C13orf46: variants seen among roughly 807,000 people sequenced by gnomAD.
C13orf46 encodes chromosome 13 open reading frame 46, also known as uncharacterized protein C13orf46.
chr13:113,971,138 G>A (rs982178241), intron 1 of C13orf46, among the ~76,000 whole-genome samples: 2 of 152,222 alleles, frequency 1.3e-5, no homozygotes, highest in African/African-American at 4.8e-5. Flanking sequence ...CCGCATCGGA[G>A]CCGGGAATGT....
the C13orf46 span, among the ~76,000 whole-genome samples, chr13:113,936,122 G>A: frequency 1.3e-5 from 2 of 152,202 alleles, no homozygotes; most frequent in Admixed American, 6.5e-5. Context: ...ATGAAGAGCC[G>A]GAGAAACTCA....
At chr13:113,962,822 T>C (rs1370961818) in intron 6 of C13orf46, among the ~76,000 whole-genome samples, 1 of 152,070 alleles carries the variant, frequency 6.6e-6, no homozygotes, top group Admixed American at 6.5e-5. Context: ...CAGGAAACGA[T>C]GAGAAAAATA....
In C13orf46 at chr13:113,955,369, C is replaced by T. The variant is rs1434192791; in HGVS notation, c.*1404G>A. 943 of 125,642 alleles carry T rather than the reference C, an allele frequency of 7.5e-3. 31 individuals carry two copies. The highest frequency in any genetic ancestry group is 0.031 in the African/African-American group (872 of 28,358). The allele number at this position is 125,642 out of a possible 1,614,324, so 7.8% of individuals were successfully genotyped here. A position where few individuals can be genotyped will look rare whatever the true frequency, so the allele number is the denominator to read the frequency against. On this transcript the variant is annotated 3_prime_UTR_variant, in exon 7 of 7. Transcript: ENST00000636427. Reference sequence around the variant, plus strand: ...TCTGGTGGAGAGGAGGAGCATCCGGCGGAGAGGAGGAGCATCCGGCGGAGA... The same window carrying T: ...TCTGGTGGAGAGGAGGAGCATCCGGTGGAGAGGAGGAGCATCCGGCGGAGA...
At position 113,961,297 on chromosome 13, in the gene C13orf46, TTAATA is replaced by T. The variant is rs1246622831; in HGVS notation, c.572+3625_572+3629del. 7.3e-3 allele frequency among the ~76,000 whole-genome samples: 1,111 copies of T among 152,136 alleles called. 5 individuals are homozygous for T. Among genetic ancestry groups the T allele is most frequent in the African/African-American group, 0.025 (1,053 of 41,530 alleles). ...GTTCTAAAAATTACATACATTTATA[TTAATA>T]TAATATCAGTCATAATTTTGATAAT... is the stretch of plus-strand genomic sequence containing the variant. On this transcript the variant is annotated intron_variant, in intron 6 of 6. Coordinates refer to ENST00000636427, the MANE Select transcript of C13orf46 (RefSeq NM_001365455.2).
chr13:113,939,157 C>T, the C13orf46 span, among the ~76,000 whole-genome samples: 16 of 134,618 alleles, frequency 1.2e-4, no homozygotes, highest in East Asian at 1.9e-4. Context: ...CAACAGCGTC[C>T]GGCTTCTCAC....
chr13:113,973,478 C>A (rs1027891518), intron 1 of C13orf46, among the ~76,000 whole-genome samples: 3 of 152,172 alleles, frequency 2.0e-5, no homozygotes, highest in African/African-American at 7.2e-5. Flanking sequence ...AAAGGCTGAT[C>A]GAGACCCAAA....
chr13:113,928,665 G>A, the C13orf46 span: 2 of 152,708 alleles, frequency 1.3e-5, no homozygotes, highest in Admixed American at 1.3e-4. Context: ...CACCTCACCA[G>A]TGGTCACAGT....
chr13:113,969,215 A>G (rs1294042836), intron 2 of C13orf46, among the ~76,000 whole-genome samples: 1 of 152,198 alleles, frequency 6.6e-6, no homozygotes, highest in Admixed American at 6.5e-5. Context: ...GTGGTCTGCT[A>G]TGGTGTGTGG....
At chr13:113,945,237 C>T in the C13orf46 span, among the ~76,000 whole-genome samples, 1 of 152,062 alleles carries the variant, frequency 6.6e-6, no homozygotes, top group Admixed American at 6.6e-5. Context: ...TTACTTTGTG[C>T]CCTCTCCCAG....
chr13:113,938,446 C>T, the C13orf46 span, among the ~76,000 whole-genome samples: 2 of 152,310 alleles, frequency 1.3e-5, no homozygotes, highest in South Asian at 4.1e-4. Context: ...GGCCCACGGC[C>T]CATCTTCAAA....
At chr13:113,962,287 T>C (rs1228937476) in intron 6 of C13orf46, among the ~76,000 whole-genome samples, 1 of 152,010 alleles carries the variant, frequency 6.6e-6, no homozygotes, top group Admixed American at 6.6e-5. Context: ...GCGCCTGTAG[T>C]CCCAGCTACT....
chr13:113,957,496 CCACA>C (rs2138978181), intron 6 of C13orf46, among the ~76,000 whole-genome samples: 1 of 139,460 alleles, frequency 7.2e-6, no homozygotes, highest in African/African-American at 2.7e-5. Context: ...CCCCTGCACT[CCACA>C]TGCACCCCCT....
chr13:113,937,526 C>T, the C13orf46 span, among the ~76,000 whole-genome samples: 1 of 152,250 alleles, frequency 6.6e-6, no homozygotes, highest in Non-Finnish European at 1.5e-5. Flanking sequence ...AACCAAAAGG[C>T]GTCTGAGATA....
chr13:113,957,200 C>A (rs1388831722), intron 6 of C13orf46, among the ~76,000 whole-genome samples: 1 of 148,446 alleles, frequency 6.7e-6, no homozygotes, highest in Non-Finnish European at 1.5e-5. Context: ...GGGGTCTCCC[C>A]TGCACTCTGC....
chr13:113,930,106 T>C, the C13orf46 span, among the ~76,000 whole-genome samples: 1 of 152,222 alleles, frequency 6.6e-6, no homozygotes, highest in African/African-American at 2.4e-5. Context: ...GCTGTGGCCA[T>C]GGTGGTGAGG....
the C13orf46 span, among the ~76,000 whole-genome samples, chr13:113,945,660 GAAAGAAAGA>G: frequency 4.4e-5 from 6 of 137,256 alleles, no homozygotes; most frequent in African/African-American, 1.6e-4. Context: ...AAGAAAGAAA[GAAAGAAAGA>G]AAGGAAAGAA....
At chr13:113,957,513 C>T (rs2052547782) in intron 6 of C13orf46, among the ~76,000 whole-genome samples, 1 of 137,866 alleles carries the variant, frequency 7.3e-6, no homozygotes, top group African/African-American at 2.8e-5. Flanking sequence ...CACCCCCTTT[C>T]ATCAAGCACA....
downstream of C13orf46, among the ~76,000 whole-genome samples, chr13:113,952,960 G>A (rs961546048): frequency 0.11 from 17,211 of 152,274 alleles, 1,405 homozygotes; most frequent in Non-Finnish European, 0.17. Flanking sequence ...TCTGCGGCGC[G>A]TAGACCTGTT....
downstream of C13orf46, among the ~76,000 whole-genome samples, chr13:113,951,345 CG>C (rs2052487865): frequency 6.6e-6 from 1 of 152,302 alleles, no homozygotes; most frequent in East Asian, 1.9e-4. Context: ...GTCGTCCCTG[CG>C]GGCCGGGCTG....
Sources: gnomAD v4.1 joint callset for allele counts (sites outside exome capture counted in the v4.1 genomes callset) on GRCh38, gnomAD v4.1.1 for gene constraint, MANE v1.5 for transcripts, NCBI Gene and HGNC (gene_info 2026-07-23, HGNC 2026-07-21) for gene names.